The following KCNJ6 variants were observed in gnomAD, a reference collection of about 807,000 sequenced individuals.
KCNJ6 encodes G protein-activated inward rectifier potassium channel 2.
In KCNJ6, 9 loss-of-function variants were observed where a neutral mutation model predicts 34.2. The observed-to-expected ratio is 0.26, with a 90% CI of 0.16 to 0.46. The LOEUF (loss-of-function observed/expected upper bound fraction) is 0.46, where lower values mean the gene tolerates loss of function less well. Among genes scored for constraint, KCNJ6 ranks in the 20% least tolerant of loss-of-function variants. The pLI, the probability that KCNJ6 is intolerant of heterozygous loss-of-function variation, is 1.00. For missense variants in KCNJ6, 236 were observed against 531.3 expected, an observed-to-expected ratio of 0.44 and a Z score of 5.46; for synonymous variants, 196 against 207.1, an observed-to-expected ratio of 0.95 and a Z score of 0.46.
chr21:37,859,527 AT>A (rs1568875124), intron 1 of KCNJ6, among the ~76,000 whole-genome samples: 10 of 101,640 alleles, frequency 9.8e-5, no homozygotes, highest in Non-Finnish European at 9.8e-5. Context: ...ATATATATAT[AT>A]ATAAAATACT....
chr21:37,614,812 T>A lies in KCNJ6; in HGVS notation c.*10347A>T, dbSNP rs1052444691. On this transcript the variant is annotated 3_prime_UTR_variant, in exon 4 of 4. Transcript: ENST00000609713. ...TGTATGCATGTGTCTGTGTGTGTAT[T>A]TGTGTGTATGTGTGTGTGTTATGTA... 1.4e-5 allele frequency: 2 copies of A among 147,012 alleles called. No homozygotes were observed. The highest frequency in any genetic ancestry group is 7.0e-5 in the Admixed American group (1 of 14,380). 9.1% of individuals were successfully genotyped at this position (147,012 alleles called of 1,614,324 possible).
At chr21:37,668,127 C>G (rs1012999443) in intron 3 of KCNJ6, among the ~76,000 whole-genome samples, 2 of 152,232 alleles carry the variant, frequency 1.3e-5, no homozygotes, top group Non-Finnish European at 2.9e-5. Context: ...GGCCTCAGCT[C>G]GGGTGTGTGG....
chr21:37,802,777 A>C (rs1362600477), intron 2 of KCNJ6, among the ~76,000 whole-genome samples: 2 of 152,208 alleles, frequency 1.3e-5, no homozygotes, highest in African/African-American at 2.4e-5. Flanking sequence ...TCTGGAAAAG[A>C]GCATTTAAAT....
At chr21:37,663,540 A>C (rs1031776300) in intron 3 of KCNJ6, among the ~76,000 whole-genome samples, 1 of 152,214 alleles carries the variant, frequency 6.6e-6, no homozygotes, top group Non-Finnish European at 1.5e-5. Flanking sequence ...GTTGAAGCTA[A>C]AATAATAGGA....
intron 2 of KCNJ6, among the ~76,000 whole-genome samples, chr21:37,811,822 C>A (rs2055324223): frequency 6.6e-6 from 1 of 152,188 alleles, no homozygotes; most frequent in South Asian, 2.1e-4. Context: ...CAGCAGTTTT[C>A]TGGTTAATAT....
intron 2 of KCNJ6, among the ~76,000 whole-genome samples, chr21:37,792,196 A>G (rs2055220113): frequency 6.6e-6 from 1 of 152,228 alleles, no homozygotes; most frequent in Admixed American, 6.5e-5. Flanking sequence ...ATGCTTGTGC[A>G]TCAGCTGCAA....
At chr21:37,863,035 A>G (rs1055994364) in intron 1 of KCNJ6, among the ~76,000 whole-genome samples, 1 of 152,268 alleles carries the variant, frequency 6.6e-6, no homozygotes, top group Non-Finnish European at 1.5e-5. Context: ...CATGGAGAGC[A>G]TAGACACTCG....
chr21:37,676,421 A>G (rs1273911976), intron 3 of KCNJ6, among the ~76,000 whole-genome samples: 1 of 152,082 alleles, frequency 6.6e-6, no homozygotes. Context: ...AGCCAACACC[A>G]GGCACCTGAT....
At chr21:37,715,719 C>T (rs559096562) in intron 2 of KCNJ6, among the ~76,000 whole-genome samples, 13 of 152,118 alleles carry the variant, frequency 8.5e-5, no homozygotes, top group South Asian at 6.2e-4. Flanking sequence ...TATCCTTATG[C>T]GAAGAGGGAG....
At chr21:37,731,730 T>C (rs537578025) in intron 2 of KCNJ6, among the ~76,000 whole-genome samples, 13 of 152,214 alleles carry the variant, frequency 8.5e-5, no homozygotes, top group African/African-American at 3.1e-4. Context: ...GATGAGAGTA[T>C]AGAGCAACAA....
chr21:37,655,222 T>G (rs200319566), intron 3 of KCNJ6, among the ~76,000 whole-genome samples: 39 of 8,220 alleles, frequency 4.7e-3, no homozygotes, highest in East Asian at 0.025. Flanking sequence ...TGTGTGTGTG[T>G]GTGAGAGAGA....
intron 3 of KCNJ6, among the ~76,000 whole-genome samples, chr21:37,694,374 T>C (rs1190882335): frequency 1.3e-5 from 2 of 152,224 alleles, no homozygotes; most frequent in African/African-American, 2.4e-5. Context: ...AGAAGGGGCA[T>C]GGCCAGCTTT....
intron 3 of KCNJ6, among the ~76,000 whole-genome samples, chr21:37,664,297 A>C (rs2054503990): frequency 6.6e-6 from 1 of 152,130 alleles, no homozygotes; most frequent in Non-Finnish European, 1.5e-5. Context: ...TTAGAGAGAA[A>C]AAGTAACAGA....
Position 37,612,261 on chromosome 21 carries a change from T to C in KCNJ6, c.*12898A>G, listed in dbSNP as rs2054245226. ...ATTAAAAGCACATGATTATTTAAATTAGTATCCCTTGAAATGAAGTACTTA... is the reference window on the plus strand; with the variant it reads ...ATTAAAAGCACATGATTATTTAAATCAGTATCCCTTGAAATGAAGTACTTA... On this transcript the variant is annotated 3_prime_UTR_variant, in exon 4 of 4. Coordinates refer to ENST00000609713, the MANE Select transcript of KCNJ6 (RefSeq NM_002240.5). 1 of 152,220 alleles carries C rather than the reference T, an allele frequency of 6.6e-6. No homozygotes were observed. Among genetic ancestry groups the C allele is most frequent in the Non-Finnish European group, 1.5e-5 (1 of 68,020 alleles). 9.4% of individuals were successfully genotyped at this position (152,220 alleles called of 1,614,324 possible).
chr21:37,869,042 G>A (rs1038506436), intron 1 of KCNJ6, among the ~76,000 whole-genome samples: 1 of 152,244 alleles, frequency 6.6e-6, no homozygotes, highest in Non-Finnish European at 1.5e-5. Context: ...GGGATAGAGA[G>A]CCAGGCTTTG....
chr21:37,837,135 C>T (rs2055455874), intron 2 of KCNJ6, among the ~76,000 whole-genome samples: 1 of 152,112 alleles, frequency 6.6e-6, no homozygotes, highest in Non-Finnish European at 1.5e-5. Flanking sequence ...TTTCTCTATG[C>T]TTTGTGCGTG....
At chr21:37,767,777 T>C (rs533959936) in intron 2 of KCNJ6, among the ~76,000 whole-genome samples, 7 of 152,350 alleles carry the variant, frequency 4.6e-5, no homozygotes, top group South Asian at 4.1e-4. Context: ...TTTGTTTTTT[T>C]CTCTCCCTCC....
intron 3 of KCNJ6, among the ~76,000 whole-genome samples, chr21:37,656,953 T>C (rs2835876): frequency 0.15 from 23,533 of 152,176 alleles, 2,927 homozygotes; most frequent in African/African-American, 0.34. Context: ...CAAAGAAAAG[T>C]TCCAGGGGAT....
chr21:37,844,683 A>G (rs2055497804), intron 1 of KCNJ6, among the ~76,000 whole-genome samples: 2 of 152,026 alleles, frequency 1.3e-5, no homozygotes, highest in Non-Finnish European at 2.9e-5. Flanking sequence ...CTCTGCCTAG[A>G]CACTCCAAGT....
Sources: allele counts gnomAD v4.1 joint callset (sites outside exome capture counted in the v4.1 genomes callset), GRCh38; gene constraint gnomAD v4.1.1; transcripts MANE v1.5; gene names NCBI Gene and HGNC (gene_info 2026-07-23, HGNC 2026-07-21).